The following KIAA1549L variants were observed in gnomAD, a reference collection of about 807,000 sequenced individuals.
The protein encoded by KIAA1549L is UPF0606 protein KIAA1549L.
KIAA1549L carries 88 observed loss-of-function variants against 160.7 expected under a neutral mutation model. That is an observed-to-expected ratio of 0.55 (90% CI 0.46 to 0.65). The LOEUF is 0.65. Among genes scored for constraint, KIAA1549L ranks in the 30% least tolerant of loss-of-function variants. The pLI is 0.00. For synonymous variants in KIAA1549L, 950 were observed against 976.7 expected, an observed-to-expected ratio of 0.97 and a Z score of 0.51; for missense variants, 2,258 against 2,437.5, an observed-to-expected ratio of 0.93 and a Z score of 1.55.
intron 1 of KIAA1549L, among the ~76,000 whole-genome samples, chr11:33,480,500 G>A (rs1852387967): frequency 6.6e-6 from 1 of 152,108 alleles, no homozygotes; most frequent in South Asian, 2.1e-4. Context: ...GTTTTTGTGT[G>A]GATGGATGTT....
At chr11:33,424,470 A>T (rs571078838) in intron 1 of KIAA1549L, among the ~76,000 whole-genome samples, 3 of 152,240 alleles carry the variant, frequency 2.0e-5, no homozygotes, top group Admixed American at 2.0e-4. Flanking sequence ...TCTTAAAAAA[A>T]ATCTTTAGAG....
intron 18 of KIAA1549L, among the ~76,000 whole-genome samples, chr11:33,656,862 G>A (rs1192567070): frequency 6.6e-6 from 1 of 152,150 alleles, no homozygotes; most frequent in East Asian, 1.9e-4. Flanking sequence ...ATGCGGAGGG[G>A]CGTAGACGTC....
chr11:33,614,554 A>C (rs1564924728), intron 15 of KIAA1549L, among the ~76,000 whole-genome samples: 773 of 10,620 alleles, frequency 0.073, 125 homozygotes, highest in African/African-American at 0.27. Flanking sequence ...ATATATATAT[A>C]TATATATATA....
At chr11:33,533,315 G>A (rs1334091720) in intron 1 of KIAA1549L, among the ~76,000 whole-genome samples, 1 of 152,204 alleles carries the variant, frequency 6.6e-6, no homozygotes, top group Non-Finnish European at 1.5e-5. Flanking sequence ...CTGTCATTAT[G>A]CATGTGGTTC....
At chr11:33,469,849 C>T (rs1852141309) in intron 1 of KIAA1549L, among the ~76,000 whole-genome samples, 3 of 152,108 alleles carry the variant, frequency 2.0e-5, no homozygotes. Flanking sequence ...ATCCTTTGGC[C>T]ATTACAAAAA....
At chr11:33,526,527 C>G (rs1394862929) in intron 1 of KIAA1549L, among the ~76,000 whole-genome samples, 1 of 152,206 alleles carries the variant, frequency 6.6e-6, no homozygotes, top group African/African-American at 2.4e-5. Context: ...CAGCACCAGC[C>G]TGGAGTCTGG....
At chr11:33,438,999 T>G (rs903064972) in intron 1 of KIAA1549L, among the ~76,000 whole-genome samples, 1 of 152,156 alleles carries the variant, frequency 6.6e-6, no homozygotes, top group Non-Finnish European at 1.5e-5. Flanking sequence ...CGATCTCAGC[T>G]CACTGCAACC....
chr11:33,526,674 C>T (rs1183785573), intron 1 of KIAA1549L, among the ~76,000 whole-genome samples: 1 of 152,140 alleles, frequency 6.6e-6, no homozygotes. Context: ...CCTTGAGTTC[C>T]AGATTTTTCC....
chr11:33,435,800 A>ATATATGTGTGTGTGTGTGTGTGTG (rs1565135897), intron 1 of KIAA1549L, among the ~76,000 whole-genome samples: 3 of 12,882 alleles, frequency 2.3e-4, no homozygotes, highest in African/African-American at 8.8e-4. Context: ...ATATATATAT[A>ATATATGTGTGTGTGTGTGTGTGTG]TATATATATA....
intron 13 of KIAA1549L, among the ~76,000 whole-genome samples, chr11:33,604,186 C>A (rs1850438681): frequency 6.6e-6 from 1 of 152,152 alleles, no homozygotes; most frequent in Non-Finnish European, 1.5e-5. Flanking sequence ...CATATCATAT[C>A]TGTGGGTAAG....
Position 33,462,772 on chromosome 11 carries a change from AT to A in KIAA1549L, c.239-79018del, listed in dbSNP as rs71034691. Among the ~76,000 whole-genome samples, 963 of 146,014 alleles carry A rather than the reference AT, an allele frequency of 6.6e-3. 8 individuals are homozygous for A. The highest frequency in any genetic ancestry group is 0.016 in the African/African-American group (647 of 39,842). ...ATGTTTCCTTGATTCTTAGCTGCAC[AT>A]TTTTTTTTTTTATTTTAACATCTCC... On this transcript the variant is annotated intron_variant, in intron 1 of 20. Transcript: ENST00000658780.
At chr11:33,509,114 T>C (rs1294342254) in intron 1 of KIAA1549L, among the ~76,000 whole-genome samples, 1 of 152,228 alleles carries the variant, frequency 6.6e-6, no homozygotes, top group Non-Finnish European at 1.5e-5. Flanking sequence ...TCTAGCACTT[T>C]CTGCACTCAC....
chr11:33,513,410 C>T (rs1214807431), intron 1 of KIAA1549L, among the ~76,000 whole-genome samples: 1 of 152,080 alleles, frequency 6.6e-6, no homozygotes, highest in Admixed American at 6.5e-5. Flanking sequence ...CAGAGTACAT[C>T]GTGGCATGTA....
intron 1 of KIAA1549L, among the ~76,000 whole-genome samples, chr11:33,465,787 C>G (rs1331695409): frequency 6.6e-6 from 1 of 152,092 alleles, no homozygotes; most frequent in African/African-American, 2.4e-5. Context: ...AACTGGCTAG[C>G]CATATGTAGA....
At position 33,394,012 on chromosome 11, in the gene KIAA1549L, C is replaced by T. The variant is rs966967058; in HGVS notation, c.238+17123C>T. Among the ~76,000 whole-genome samples, 7 of 152,258 alleles carry T rather than the reference C, an allele frequency of 4.6e-5. No homozygotes were observed. In the East Asian group the frequency reaches 5.8e-4, roughly 13 times the overall value. On this transcript the variant is annotated intron_variant, in intron 1 of 20. Transcript: ENST00000658780. ...ATATGCATGGATAGCACAGCACTAGCGGTGGGATGGAGTACAGGCATCACA... is the reference window on the plus strand; with the variant it reads ...ATATGCATGGATAGCACAGCACTAGTGGTGGGATGGAGTACAGGCATCACA...
chr11:33,408,360 A>T (rs187112131), intron 1 of KIAA1549L, among the ~76,000 whole-genome samples: 218 of 152,070 alleles, frequency 1.4e-3, no homozygotes, highest in African/African-American at 4.9e-3. Flanking sequence ...TTTTGGGCCT[A>T]TCATGTGGTG....
intron 6 of KIAA1549L, among the ~76,000 whole-genome samples, chr11:33,553,250 G>A (rs574372100): frequency 2.0e-5 from 3 of 151,462 alleles, no homozygotes; most frequent in Admixed American, 1.3e-4. Flanking sequence ...TTCTCCCTTC[G>A]CGGCCTCCCG....
chr11:33,576,652 G>C (rs1855457802), intron 10 of KIAA1549L, among the ~76,000 whole-genome samples: 1 of 152,188 alleles, frequency 6.6e-6, no homozygotes, highest in South Asian at 2.1e-4. Context: ...ACAGATTTGG[G>C]ATATTTCAGG....
At chr11:33,497,466 T>A (rs1031103839) in intron 1 of KIAA1549L, among the ~76,000 whole-genome samples, 3 of 152,200 alleles carry the variant, frequency 2.0e-5, no homozygotes, top group Non-Finnish European at 4.4e-5. Context: ...TGATGTCCTT[T>A]TTGGAGAAAT....
Sources: allele counts gnomAD v4.1 joint callset (sites outside exome capture counted in the v4.1 genomes callset), GRCh38; gene constraint gnomAD v4.1.1; transcripts MANE v1.5; gene names NCBI Gene and HGNC (gene_info 2026-07-23, HGNC 2026-07-21).